ANLN: variants seen among roughly 807,000 people sequenced by gnomAD.
The protein encoded by ANLN is anillin.
Under a neutral mutation model 135.1 loss-of-function variants are expected in ANLN, and 59 were observed. That is an observed-to-expected ratio of 0.44 (90% confidence interval 0.35 to 0.54). The LOEUF is 0.54. Among genes scored for constraint, ANLN ranks in the 20% least tolerant of loss-of-function variants. ANLN has a pLI of 0.00. For synonymous variants in ANLN, 406 were observed against 456.4 expected (o/e 0.89, Z 1.41); for missense variants, 1,182 against 1,340.0 (o/e 0.88, Z 1.84).
intron 20 of ANLN, among the ~76,000 whole-genome samples, chr7:36,437,856 C>T (rs937213794): frequency 1.3e-5 from 2 of 152,136 alleles, no homozygotes. Flanking sequence ...ACTGCAACCT[C>T]TGCCTCTGTG....
chr7:36,390,232 GT>G, intron 1 of ANLN, 188 bp downstream of exon 1: 1 of 878,262 alleles, frequency 1.1e-6, no homozygotes. Context: ...CTGAGATTTT[GT>G]TGTTTCGGTC....
chr7:36,396,428 C>CT lies in ANLN; in HGVS notation c.172+12dup, dbSNP rs778167062. 2.6e-6 allele frequency: 4 copies of CT among 1,534,236 alleles called. No individual in the cohort carries two copies. Among genetic ancestry groups the CT allele is most frequent in the Non-Finnish European group, 3.5e-6 (4 of 1,135,826 alleles). ...CCTCTCTGGTGGTGAAGGTAAAAGA[C>CT]TTTGTGGGGAAAAATAACATTTACT... On this transcript the variant is annotated intron_variant, in intron 2 of 23. Coordinates refer to ENST00000265748, the MANE Select transcript of ANLN (RefSeq NM_018685.5).
chr7:36,445,363 G>C (rs976678568), intron 22 of ANLN, among the ~76,000 whole-genome samples: 11 of 151,556 alleles, frequency 7.3e-5, no homozygotes, highest in South Asian at 2.1e-4. Flanking sequence ...TGTTTAACCT[G>C]TACATGTATA....
intron 3 of ANLN, among the ~76,000 whole-genome samples, chr7:36,399,650 A>G (rs1223722059): frequency 6.6e-6 from 1 of 152,226 alleles, no homozygotes; most frequent in East Asian, 1.9e-4. Flanking sequence ...AATATCTGCA[A>G]TGAAAAACAC....
At chr7:36,403,849 G>A (rs531198708) in intron 3 of ANLN, among the ~76,000 whole-genome samples, 32 of 152,214 alleles carry the variant, frequency 2.1e-4, no homozygotes, top group African/African-American at 6.5e-4. Context: ...TGCATTTTTC[G>A]TAGGTTTTGC....
chr7:36,394,340 G>A (rs567230108), intron 1 of ANLN, among the ~76,000 whole-genome samples: 5 of 152,210 alleles, frequency 3.3e-5, no homozygotes, highest in East Asian at 1.9e-4. Context: ...CTGAGAACTC[G>A]GTTTTTAAGG....
At position 36,406,432 on chromosome 7, in the gene ANLN, AG is replaced by A; in HGVS notation, c.741del (p.Ile248SerfsTer22). 1 of 1,613,702 alleles carries A rather than the reference AG, an allele frequency of 6.2e-7. No individual in the cohort carries two copies. ...KFSSASGASA[R>X]INSSSVKQEA... ...TTCCTCTGCAAGTGGAGCATCTGCT[AG>A]GATCAATAGCAGCAGTGTTAAGCAG... is the stretch of plus-strand genomic sequence containing the variant. On this transcript the variant is annotated frameshift_variant, in exon 4 of 24. Coordinates refer to ENST00000265748, the MANE Select transcript of ANLN (RefSeq NM_018685.5). LOFTEE classifies it high-confidence loss of function.
chr7:36,423,411 T>C (rs1476436429), intron 14 of ANLN, among the ~76,000 whole-genome samples: 1 of 152,178 alleles, frequency 6.6e-6, no homozygotes, highest in African/African-American at 2.4e-5. Flanking sequence ...AAATAGTTTA[T>C]GTTTTTATTA....
At chr7:36,392,678 T>G (rs572351572) in intron 1 of ANLN, among the ~76,000 whole-genome samples, 1 of 152,180 alleles carries the variant, frequency 6.6e-6, no homozygotes, top group East Asian at 1.9e-4. Flanking sequence ...ATATAATTTC[T>G]TTTAATTTAA....
intron 13 of ANLN, among the ~76,000 whole-genome samples, chr7:36,422,281 CA>C (rs1283342364): frequency 2.7e-5 from 3 of 112,632 alleles, no homozygotes; most frequent in African/African-American, 1.0e-4. Flanking sequence ...TGTACACATA[CA>C]TTCTCTCTCT....
intron 7 of ANLN, among the ~76,000 whole-genome samples, chr7:36,415,243 G>A (rs1368575731): frequency 6.6e-6 from 1 of 151,968 alleles, no homozygotes; most frequent in African/African-American, 2.4e-5. Context: ...GATCTGTTTT[G>A]TCCTTGTTTT....
intron 19 of ANLN, among the ~76,000 whole-genome samples, chr7:36,426,339 T>C (rs570291053): frequency 6.6e-6 from 1 of 152,332 alleles, no homozygotes; most frequent in East Asian, 1.9e-4. Flanking sequence ...GTGCTTTCCA[T>C]ACTGCAGATT....
In ANLN at chr7:36,408,108, A is replaced by C; in HGVS notation, c.1096+152A>C. 3 of 638,834 alleles carry C rather than the reference A, an allele frequency of 4.7e-6. No individual in the cohort carries two copies. In the South Asian group the frequency reaches 6.3e-5, roughly 13 times the overall value. The allele number at this position is 638,834 out of a possible 1,614,324, so 39.6% of individuals were successfully genotyped here. ...ATGAGACCTCAGCTTTAGTTGATTC[A>C]ATGAATATTTATTAACGTAGACTAG... On this transcript the variant is annotated intron_variant, in intron 5 of 23. Coordinates refer to ENST00000265748, the MANE Select transcript of ANLN (RefSeq NM_018685.5).
chr7:36,398,214 G>A (rs1488377995), intron 2 of ANLN, among the ~76,000 whole-genome samples: 11 of 151,330 alleles, frequency 7.3e-5, no homozygotes, highest in Admixed American at 6.6e-5. Context: ...TATTTTATAG[G>A]TGTTCATAGA....
At chr7:36,415,647 G>T in intron 7 of ANLN, 111 bp from the exon 8 acceptor site, 10 of 1,228,674 alleles carry the variant, frequency 8.1e-6, no homozygotes, top group Non-Finnish European at 1.1e-5. Flanking sequence ...TGGTTCTAAG[G>T]AAACTTATAC....
In ANLN at chr7:36,425,674, A is replaced by G. The variant is rs746998227; in HGVS notation, c.2710-28A>G. ...TGAGACATAATGTTTAATAAGAAAT[A>G]TATATAGTAAGCTATCTTTTCTTTT... On this transcript the variant is annotated intron_variant, in intron 17 of 23. Coordinates refer to ENST00000265748, the MANE Select transcript of ANLN (RefSeq NM_018685.5). 4.6e-6 allele frequency: 7 copies of G among 1,533,712 alleles called. No individual in the cohort carries two copies. The Admixed American group carries it at 1.0e-4, about 23-fold the overall frequency.
chr7:36,422,662 T>C lies in ANLN; in HGVS notation c.2329T>C (p.Leu777=), dbSNP rs376490302. Residue 777 remains leucine, a synonymous_variant, in exon 14 of 24, where the codon TTG becomes CTG. Coordinates refer to ENST00000265748, the MANE Select transcript of ANLN (RefSeq NM_018685.5). ...TGKRTLLIDE[L]NKLKNEGPQR... ...GAAGAGAACACTTTTGATTGATGAA[T>C]TGAATAAATTGAAGAACGAAGGACC... 8.7e-6 allele frequency: 14 copies of C among 1,608,574 alleles called. No individual in the cohort carries two copies. Among genetic ancestry groups the C allele is most frequent in the Middle Eastern group, 1.7e-4 (1 of 6,040 alleles).
chr7:36,394,110 T>G (rs765613989), intron 1 of ANLN, among the ~76,000 whole-genome samples: 2 of 152,202 alleles, frequency 1.3e-5, no homozygotes, highest in Non-Finnish European at 2.9e-5. Flanking sequence ...ACTACAGATG[T>G]GCCCCACCAT....
chr7:36,422,223 A>G (rs1289175831), intron 13 of ANLN, among the ~76,000 whole-genome samples: 2 of 152,228 alleles, frequency 1.3e-5, no homozygotes, highest in African/African-American at 4.8e-5. Flanking sequence ...GCAGTTGTGC[A>G]GATTGAATGA....
Sources: gnomAD v4.1 joint callset for allele counts (sites outside exome capture counted in the v4.1 genomes callset) on GRCh38, gnomAD v4.1.1 for gene constraint, MANE v1.5 for transcripts, NCBI Gene and HGNC (gene_info 2026-07-23, HGNC 2026-07-21) for gene names.